UBE2J1: variants seen among roughly 807,000 people sequenced by gnomAD.
UBE2J1 encodes the protein ubiquitin conjugating enzyme E2 J1.
In UBE2J1, 17 loss-of-function variants were observed where a neutral mutation model predicts 42.1. That is an observed-to-expected ratio of 0.40 (90% CI 0.28 to 0.61). The LOEUF (loss-of-function observed/expected upper bound fraction) is 0.61, where lower values mean the gene tolerates loss of function less well. Ranked by LOEUF, UBE2J1 falls within the 20% of genes least tolerant of loss-of-function variation. The pLI is 0.38. For missense variants in UBE2J1, 291 were observed against 389.4 expected, an observed-to-expected ratio of 0.75 and a Z score of 2.13; for synonymous variants, 127 against 137.2, an observed-to-expected ratio of 0.93 and a Z score of 0.52.
chr6:89,332,267 C>T (rs1768023777), intron 7 of UBE2J1, among the ~76,000 whole-genome samples: 1 of 152,172 alleles, frequency 6.6e-6, no homozygotes, highest in Non-Finnish European at 1.5e-5. Context: ...CTTCCAAAGA[C>T]AGTTAATCTT....
At chr6:89,333,033 A>C in intron 7 of UBE2J1, 53 bp downstream of exon 7, 2 of 1,455,080 alleles carry the variant, frequency 1.4e-6, no homozygotes, top group Non-Finnish European at 1.8e-6. Flanking sequence ...CTCCTATTGC[A>C]AACAGTGATA....
chr6:89,352,448 T>A, intron 1 of UBE2J1, 91 bp downstream of exon 1: 1 of 1,397,376 alleles, frequency 7.2e-7, no homozygotes, highest in Non-Finnish European at 9.6e-7. Flanking sequence ...GAGCCGCGAG[T>A]GGCGCCAGAC....
At chr6:89,338,815 G>C (rs1023188250) in intron 3 of UBE2J1, among the ~76,000 whole-genome samples, 2 of 151,670 alleles carry the variant, frequency 1.3e-5, no homozygotes, top group Non-Finnish European at 2.9e-5. Flanking sequence ...ACAGGCGCCT[G>C]CCACCAGGCC....
chr6:89,352,405 G>T, intron 1 of UBE2J1, 134 bp downstream of exon 1: 1 of 1,003,128 alleles, frequency 1.0e-6, no homozygotes, highest in Non-Finnish European at 1.4e-6. Context: ...CCGGGCAGGC[G>T]GCGGTCTCGC....
In UBE2J1 at chr6:89,333,073, A is replaced by C. The variant is rs1180773130; in HGVS notation, c.678+13T>G. ...TAGAGACATACATATATATTAAAAG[A>C]TAAGAGCCATACCGATGTACTGGCC... is the stretch of plus-strand genomic sequence containing the variant. On this transcript the variant is annotated intron_variant, in intron 7 of 7. Transcript: ENST00000435041. The C allele has an allele frequency of 2.5e-6, 4 of 1,592,658 alleles. No individual in the cohort carries two copies. Among genetic ancestry groups the C allele is most frequent in the Non-Finnish European group, 3.4e-6 (4 of 1,171,714 alleles).
Position 89,333,099 on chromosome 6 carries a change from G to T in UBE2J1, c.665C>A (p.Thr222Lys), listed in dbSNP as rs761994024. Residue 222 changes from threonine to lysine, a missense_variant, in exon 7 of 8, where the codon ACG (threonine) becomes AAG (lysine). Physicochemically the swap from Thr to Lys is moderately conservative, Grantham distance 78. Transcript: ENST00000435041. ...TAAGAGCCATACCGATGTACTGGCC[G>T]TAGCACCCTGGAATGTTGTAGGTAT... ...DDIPTTFQGA[T>K]ASTSYGLQNS... 1 of 1,610,970 alleles carries T rather than the reference G, an allele frequency of 6.2e-7. No individual in the cohort carries two copies. The highest frequency in any genetic ancestry group is 1.7e-5 in the Admixed American group (1 of 59,674).
At chr6:89,345,908 A>T (rs990436518) in intron 1 of UBE2J1, among the ~76,000 whole-genome samples, 2 of 25,658 alleles carry the variant, frequency 7.8e-5, no homozygotes, top group Admixed American at 6.3e-4. Context: ...ACTACGTCTA[A>T]AAAAAAAAAA....
chr6:89,332,139 C>CTA (rs1562410952), intron 7 of UBE2J1, among the ~76,000 whole-genome samples: 2 of 152,138 alleles, frequency 1.3e-5, no homozygotes, highest in African/African-American at 4.8e-5. Flanking sequence ...AAGGGCAAAT[C>CTA]TATATTTGCC....
At chr6:89,336,740 T>C (rs1768115023) in intron 5 of UBE2J1, among the ~76,000 whole-genome samples, 1 of 152,156 alleles carries the variant, frequency 6.6e-6, no homozygotes, top group Non-Finnish European at 1.5e-5. Flanking sequence ...CAAAATGTAT[T>C]CACTTTTAAC....
chr6:89,338,524 A>C lies in UBE2J1; in HGVS notation c.257T>G (p.Val86Gly). Reference sequence around the variant, plus strand: ...GATGCTCAAACAGATTTTCTTGCCCACTTCAAATCGACCATTAGCCTGAGG... The same window carrying C: ...GATGCTCAAACAGATTTTCTTGCCCCCTTCAAATCGACCATTAGCCTGAGG... ...ILLTANGRFE[V>G]GKKICLSISG... The change falls in exon 4 of 8, where the codon GTG becomes GGG. Residue 86 changes from valine (V) to glycine (G), a missense_variant. Val to Gly is a moderately radical substitution (Grantham distance 109). Around this residue, in one of 2 missense-constraint regions of UBE2J1, gnomAD observed 115 missense variants for 193.1 expected, o/e 0.60. Coordinates refer to ENST00000435041, the MANE Select transcript of UBE2J1 (RefSeq NM_016021.3). 6.3e-7 allele frequency: 1 copy of C among 1,586,418 alleles called. No individual in the cohort carries two copies. Among genetic ancestry groups the C allele is most frequent in the Non-Finnish European group, 8.5e-7 (1 of 1,171,992 alleles).
chr6:89,344,223 T>G (rs1365443781), intron 1 of UBE2J1, among the ~76,000 whole-genome samples: 1 of 152,144 alleles, frequency 6.6e-6, no homozygotes, highest in Non-Finnish European at 1.5e-5. Flanking sequence ...TAAAATGTCT[T>G]TATTAACAAA....
At position 89,338,951 on chromosome 6, in the gene UBE2J1, C is replaced by T. The variant is rs569197048; in HGVS notation, c.238-408G>A. Among the ~76,000 whole-genome samples the T allele has an allele frequency of 3.0e-4, 45 of 151,930 alleles. 1 individual carries two copies. In the South Asian group the frequency reaches 9.2e-3, roughly 31 times the overall value. ...AAGTGCTGGGATTACAGGCATGAGCCACCGCGCCCGGCCAAAAAGATTTTT... is the reference window on the plus strand; with the variant it reads ...AAGTGCTGGGATTACAGGCATGAGCTACCGCGCCCGGCCAAAAAGATTTTT... On this transcript the variant is annotated intron_variant, in intron 3 of 7. Transcript: ENST00000435041.
At chr6:89,342,480 G>A in intron 2 of UBE2J1, 25 bp from the exon 3 acceptor site, 7 of 1,558,910 alleles carry the variant, frequency 4.5e-6, no homozygotes, top group African/African-American at 4.2e-5. Flanking sequence ...TAATCCACAA[G>A]GAATTAATAA....
At chr6:89,344,857 C>G (rs780563419) in intron 1 of UBE2J1, among the ~76,000 whole-genome samples, 6 of 152,252 alleles carry the variant, frequency 3.9e-5, no homozygotes, top group Non-Finnish European at 7.3e-5. Context: ...AATCTACAAT[C>G]CTATCTGTAT....
chr6:89,346,768 G>A (rs1768373128), intron 1 of UBE2J1, among the ~76,000 whole-genome samples: 2 of 152,056 alleles, frequency 1.3e-5, no homozygotes, highest in African/African-American at 4.8e-5. Flanking sequence ...AGAAACCACT[G>A]CCCTAGAGAC....
chr6:89,338,875 C>T lies in UBE2J1; in HGVS notation c.238-332G>A, dbSNP rs566433353. Among the ~76,000 whole-genome samples, 581 of 151,972 alleles carry T rather than the reference C, an allele frequency of 3.8e-3. 1 individual carries two copies. Among genetic ancestry groups the T allele is most frequent in the Non-Finnish European group, 6.5e-3 (445 of 67,958 alleles). On this transcript the variant is annotated intron_variant, in intron 3 of 7. Coordinates refer to ENST00000435041, the MANE Select transcript of UBE2J1 (RefSeq NM_016021.3). ...AGAGACGGGGTTTCACCGTGTTAGC[C>T]AGGATGGTCTCGATATCCTGACCTT...
At chr6:89,341,590 G>C (rs1436280266) in intron 3 of UBE2J1, among the ~76,000 whole-genome samples, 1 of 152,048 alleles carries the variant, frequency 6.6e-6, no homozygotes, top group Non-Finnish European at 1.5e-5. Context: ...TGGGTGCAGT[G>C]GCATGTGCCT....
intron 6 of UBE2J1, among the ~76,000 whole-genome samples, chr6:89,334,763 C>T (rs569643032): frequency 9.2e-5 from 14 of 152,170 alleles, no homozygotes; most frequent in South Asian, 6.2e-4. Flanking sequence ...CCACCGCGCC[C>T]GGCCATCATT....
chr6:89,335,545 TC>T, intron 5 of UBE2J1, 114 bp from the exon 6 acceptor site: 1 of 683,970 alleles, frequency 1.5e-6, no homozygotes, highest in Non-Finnish European at 2.2e-6. Context: ...ACTGGAAAAT[TC>T]CACATCACAT....
Sources: allele counts gnomAD v4.1 joint callset (sites outside exome capture counted in the v4.1 genomes callset), GRCh38; gene constraint gnomAD v4.1.1; regional missense constraint gnomAD v4.1.1; transcripts MANE v1.5; gene names NCBI Gene and HGNC (gene_info 2026-07-23, HGNC 2026-07-21).